The following PSD3 variants were observed in gnomAD, a reference collection of about 807,000 sequenced individuals.
PSD3 encodes the protein pleckstrin and Sec7 domain containing 3, also known as PH and SEC7 domain-containing protein 3.
Under a neutral mutation model 105.5 loss-of-function variants are expected in PSD3, and 49 were observed. That is an observed-to-expected ratio of 0.46 (90% CI 0.37 to 0.59). The LOEUF (loss-of-function observed/expected upper bound fraction) is 0.59. Among genes scored for constraint, PSD3 ranks in the 20% least tolerant of loss-of-function variants. PSD3 has a pLI of 0.00. For missense variants in PSD3, 1,561 were observed against 1,263.8 expected, an observed-to-expected ratio of 1.24 and a Z score of -3.57; for synonymous variants, 557 against 457.8, an observed-to-expected ratio of 1.22 and a Z score of -2.77.
intron 9 of PSD3, among the ~76,000 whole-genome samples, chr8:18,668,241 C>T (rs893598405): frequency 6.6e-6 from 1 of 152,224 alleles, no homozygotes; most frequent in African/African-American, 2.4e-5. Flanking sequence ...CACGCTGTCA[C>T]CTCTCACTGT....
At chr8:18,582,816 CTTTTTTTTTT>C (rs71217386) in intron 12 of PSD3, among the ~76,000 whole-genome samples, 2 of 125,474 alleles carry the variant, frequency 1.6e-5, no homozygotes, top group African/African-American at 6.8e-5. Flanking sequence ...CCACACTGAT[CTTTTTTTTTT>C]TTTTTTTTTT....
intron 1 of PSD3, among the ~76,000 whole-genome samples, chr8:19,011,769 TAAA>T (rs71545539): frequency 6.8e-6 from 1 of 147,632 alleles, no homozygotes. Context: ...TGCTCGCATT[TAAA>T]AAAAAAAAAA....
At chr8:18,615,206 C>G (rs527905283) in intron 11 of PSD3, among the ~76,000 whole-genome samples, 6 of 151,824 alleles carry the variant, frequency 4.0e-5, no homozygotes, top group Non-Finnish European at 8.8e-5. Context: ...ATTCTGATCA[C>G]CTGCTGCACC....
chr8:18,816,210 T>A (rs183108424), intron 4 of PSD3, among the ~76,000 whole-genome samples: 1 of 152,344 alleles, frequency 6.6e-6, no homozygotes, highest in African/African-American at 2.4e-5. Flanking sequence ...AATTCCAGAA[T>A]GTTTACTCTG....
At chr8:18,610,978 T>C (rs972859312) in intron 11 of PSD3, among the ~76,000 whole-genome samples, 1 of 152,220 alleles carries the variant, frequency 6.6e-6, no homozygotes, top group South Asian at 2.1e-4. Flanking sequence ...AATTACTTTA[T>C]AATGTTGTTG....
chr8:18,896,651 C>T (rs1819168555), intron 2 of PSD3, among the ~76,000 whole-genome samples: 1 of 151,894 alleles, frequency 6.6e-6, no homozygotes, highest in African/African-American at 2.4e-5. Flanking sequence ...GAGCTCAAGC[C>T]ATCTGCCCAC....
intron 9 of PSD3, among the ~76,000 whole-genome samples, chr8:18,701,473 T>A (rs1355519548): frequency 2.0e-5 from 3 of 152,184 alleles, no homozygotes; most frequent in Non-Finnish European, 4.4e-5. Flanking sequence ...ATACTATGTA[T>A]CAAGAAACCT....
At chr8:18,620,438 G>A (rs1806032162) in intron 11 of PSD3, among the ~76,000 whole-genome samples, 1 of 151,556 alleles carries the variant, frequency 6.6e-6, no homozygotes. Flanking sequence ...GGCCAGGCAT[G>A]GTGGCTTACA....
intron 1 of PSD3, among the ~76,000 whole-genome samples, chr8:19,060,916 G>C (rs1370360540): frequency 6.6e-6 from 1 of 152,192 alleles, no homozygotes; most frequent in African/African-American, 2.4e-5. Flanking sequence ...ATCTTCTTTG[G>C]CAGGGTAACA....
intron 4 of PSD3, among the ~76,000 whole-genome samples, chr8:18,835,863 G>A (rs533754357): frequency 4.6e-5 from 7 of 152,322 alleles, no homozygotes; most frequent in South Asian, 2.1e-4. Context: ...GCCACAGAGC[G>A]GTGTATGCGG....
At chr8:18,600,979 T>A (rs1333744872) in intron 11 of PSD3, among the ~76,000 whole-genome samples, 1 of 152,222 alleles carries the variant, frequency 6.6e-6, no homozygotes, top group Non-Finnish European at 1.5e-5. Context: ...CCTGTGCATA[T>A]CTCTACTGAG....
chr8:18,842,251 A>G (rs1044944166), intron 4 of PSD3, among the ~76,000 whole-genome samples: 3 of 152,384 alleles, frequency 2.0e-5, no homozygotes, highest in Admixed American at 1.3e-4. Flanking sequence ...GTGAATTCCC[A>G]TAAACCCAAG....
intron 1 of PSD3, among the ~76,000 whole-genome samples, chr8:18,973,654 G>T (rs1020898678): frequency 6.6e-6 from 1 of 152,144 alleles, no homozygotes; most frequent in Non-Finnish European, 1.5e-5. Flanking sequence ...ATACAAGTCA[G>T]TTCATAACAG....
At chr8:18,866,714 T>C (rs1462556254) in intron 4 of PSD3, among the ~76,000 whole-genome samples, 1 of 151,690 alleles carries the variant, frequency 6.6e-6, no homozygotes, top group African/African-American at 2.4e-5. Flanking sequence ...TTATAGAAAA[T>C]GCTCAGCACA....
intron 2 of PSD3, chr8:18,924,699 G>T (rs551218466): frequency 8.5e-5 from 13 of 152,272 alleles, no homozygotes; most frequent in African/African-American, 3.1e-4. Context: ...TTCTTGTCTT[G>T]CTCTCCAGGA....
At chr8:18,602,107 T>C (rs547240421) in intron 11 of PSD3, among the ~76,000 whole-genome samples, 3 of 152,330 alleles carry the variant, frequency 2.0e-5, no homozygotes, top group African/African-American at 4.8e-5. Context: ...TATTTTTGTT[T>C]TTAACAGAAG....
intron 1 of PSD3, among the ~76,000 whole-genome samples, chr8:19,003,646 G>A (rs77591078): frequency 0.12 from 18,216 of 151,894 alleles, 1,341 homozygotes; most frequent in Non-Finnish European, 0.16. Flanking sequence ...GGAAGAAGGA[G>A]GGAGGATTCC....
chr8:18,992,933 AT>A (rs1441943239), intron 1 of PSD3, among the ~76,000 whole-genome samples: 1 of 152,202 alleles, frequency 6.6e-6, no homozygotes, highest in East Asian at 1.9e-4. Context: ...CTCAATAATT[AT>A]TTCTATCATA....
intron 9 of PSD3, among the ~76,000 whole-genome samples, chr8:18,712,129 T>C (rs866955077): frequency 7.2e-5 from 11 of 152,080 alleles, no homozygotes; most frequent in African/African-American, 2.7e-4. Flanking sequence ...AAAGCAATGT[T>C]AAGAGGGACA....
Sources: gnomAD v4.1 joint callset for allele counts (sites outside exome capture counted in the v4.1 genomes callset) on GRCh38, gnomAD v4.1.1 for gene constraint, MANE v1.5 for transcripts, NCBI Gene and HGNC (gene_info 2026-07-23, HGNC 2026-07-21) for gene names.